Variants in ITSN2 observed in about 807,000 individuals in gnomAD.
The protein encoded by ITSN2 is intersectin 2, also known as intersectin-2.
Under a neutral mutation model 243.7 loss-of-function variants are expected in ITSN2, and 156 were observed. The ratio of observed to expected loss-of-function variants is 0.64; its 90% CI spans 0.56 to 0.73. ITSN2 has a LOEUF of 0.73. Ranked by LOEUF, ITSN2 falls within the 30% of genes least tolerant of loss-of-function variation. The pLI is 0.00. For synonymous variants in ITSN2, 703 were observed against 699.9 expected (o/e 1.00, Z -0.07); for missense variants, 1,801 against 1,996.1 (o/e 0.90, Z 1.86).
At chr2:24,252,079 G>A (rs557768998) in intron 25 of ITSN2, among the ~76,000 whole-genome samples, 25 of 152,258 alleles carry the variant, frequency 1.6e-4, no homozygotes, top group Non-Finnish European at 2.9e-4. Context: ...TTATCATGAA[G>A]CTCAACCCTA....
chr2:24,222,668 C>CTTTTTTTTTT (rs56149622), intron 29 of ITSN2, among the ~76,000 whole-genome samples: 5 of 77,254 alleles, frequency 6.5e-5, no homozygotes, highest in Non-Finnish European at 1.1e-4. Flanking sequence ...TTTTTCTTTT[C>CTTTTTTTTTT]TTTTTTTTTT....
intron 16 of ITSN2, among the ~76,000 whole-genome samples, chr2:24,285,864 A>G (rs1472655141): frequency 6.6e-6 from 1 of 152,212 alleles, no homozygotes; most frequent in Non-Finnish European, 1.5e-5. Context: ...AACTATTTCA[A>G]ATTTTCCATA....
intron 24 of ITSN2, among the ~76,000 whole-genome samples, chr2:24,254,101 T>C (rs1674708646): frequency 6.6e-6 from 1 of 152,250 alleles, no homozygotes; most frequent in South Asian, 2.1e-4. Context: ...TTTTTATTTA[T>C]GATGTTATTC....
intron 1 of ITSN2, among the ~76,000 whole-genome samples, chr2:24,353,097 T>TATA (rs1248849510): frequency 3.9e-5 from 6 of 152,164 alleles, no homozygotes; most frequent in African/African-American, 1.4e-4. Context: ...ATATCATCTA[T>TATA]ATAACAAATA....
chr2:24,275,879 G>C (rs759179187), intron 17 of ITSN2, 30 bp from the exon 18 acceptor site: 1 of 1,534,418 alleles, frequency 6.5e-7, no homozygotes, highest in Admixed American at 1.9e-5. Context: ...AAGTCAATAC[G>C]TGAATGATTT....
chr2:24,348,379 A>G (rs1252521609), intron 1 of ITSN2, among the ~76,000 whole-genome samples: 2 of 151,956 alleles, frequency 1.3e-5, no homozygotes, highest in South Asian at 2.1e-4. Flanking sequence ...TAGTAGAGAC[A>G]AAGTTTCACC....
intron 29 of ITSN2, among the ~76,000 whole-genome samples, chr2:24,230,662 G>T (rs1671493113): frequency 6.6e-6 from 1 of 152,046 alleles, no homozygotes; most frequent in Non-Finnish European, 1.5e-5. Context: ...CATCTACTTG[G>T]GAGGCCGAGG....
intron 20 of ITSN2, among the ~76,000 whole-genome samples, chr2:24,268,619 T>C (rs1676958190): frequency 6.6e-6 from 1 of 152,194 alleles, no homozygotes; most frequent in African/African-American, 2.4e-5. Context: ...TTGTACACTT[T>C]GCTATATATA....
In ITSN2 at chr2:24,324,516, T is replaced by C. The variant is rs945830036; in HGVS notation, c.31+3536A>G. On this transcript the variant is annotated intron_variant, in intron 2 of 39. Coordinates refer to ENST00000355123, the MANE Select transcript of ITSN2 (RefSeq NM_006277.3). ...TTCCTCATGTCTCCAATCAGTAATC[T>C]TGACACCTTCATATTCATTCATTCA... 3.9e-5 allele frequency among the ~76,000 whole-genome samples: 6 copies of C among 152,092 alleles called. 1 individual carries two copies. The highest frequency in any genetic ancestry group is 1.5e-4 in the African/African-American group (6 of 41,358).
intron 2 of ITSN2, among the ~76,000 whole-genome samples, chr2:24,326,074 G>A (rs1409630671): frequency 6.6e-6 from 1 of 152,120 alleles, no homozygotes; most frequent in Non-Finnish European, 1.5e-5. Flanking sequence ...CATGAATGCT[G>A]CTCTCAGTAA....
In ITSN2 at chr2:24,249,127, A is replaced by G. The variant is rs1162448261; in HGVS notation, c.3121-245T>C. ...GGCTGTCATCGTCAACCATTGACTC[A>G]ACAGGAAGAGCTCGTTTTCTGAAAC... is the stretch of plus-strand genomic sequence containing the variant. On this transcript the variant is annotated intron_variant, in intron 25 of 39. Transcript: ENST00000355123. This position sits in a 1 kb window ranked among gnomAD's most constrained non-coding sequence, Gnocchi z 4.4. Among the ~76,000 whole-genome samples the G allele has an allele frequency of 6.6e-6, 1 of 152,184 alleles. No homozygotes were observed. Among genetic ancestry groups the G allele is most frequent in the East Asian group, 1.9e-4 (1 of 5,196 alleles).
chr2:24,298,747 A>G lies in ITSN2; in HGVS notation c.1412T>C (p.Leu471Pro), dbSNP rs758215922. Residue 471 changes from leucine (L) to proline (P), a missense_variant, in exon 13 of 40, where the codon CTC (leucine) becomes CCC (proline). By Grantham distance (98) the Leu-to-Pro change is moderately conservative (BLOSUM62 -3). This residue lies in a region of ITSN2 where 787 missense variants were observed against 803.9 expected (regional missense o/e 0.98). Coordinates refer to ENST00000355123, the MANE Select transcript of ITSN2 (RefSeq NM_006277.3). ...TTCTTGTTCTCTATTCTTTTGATTG[A>G]GAAGCTCCTGTCGCCGAATTCTCTC... Reference protein sequence around the residue: ...EWERIRRQELLNQKNREQEEI... With the variant: ...EWERIRRQELPNQKNREQEEI... 8.1e-6 allele frequency: 13 copies of G among 1,613,066 alleles called. No homozygotes were observed. The Admixed American group carries it at 2.2e-4, about 27-fold the overall frequency.
At chr2:24,311,110 C>T (rs1683212814) in intron 5 of ITSN2, among the ~76,000 whole-genome samples, 3 of 151,998 alleles carry the variant, frequency 2.0e-5, no homozygotes, top group Admixed American at 2.0e-4. Context: ...CTCTCTCTCA[C>T]ATACTCCCCC....
intron 1 of ITSN2, among the ~76,000 whole-genome samples, chr2:24,329,420 C>T (rs927272520): frequency 5.9e-5 from 9 of 152,056 alleles, no homozygotes; most frequent in South Asian, 2.1e-4. Context: ...TCACCATGCC[C>T]GGCTAATTTT....
intron 11 of ITSN2, 48 bp from the exon 12 acceptor site, chr2:24,300,219 G>C: frequency 6.3e-7 from 1 of 1,585,690 alleles, no homozygotes. Context: ...ACAGCCTACA[G>C]AACCTGTAAT....
Position 24,207,019 on chromosome 2 carries a change from C to T in ITSN2, c.4678+1218G>A, listed in dbSNP as rs533949670. Among the ~76,000 whole-genome samples the T allele has an allele frequency of 2.6e-5, 4 of 152,054 alleles. 1 individual carries two copies. Among genetic ancestry groups the T allele is most frequent in the Admixed American group, 2.0e-4 (3 of 15,286 alleles). ...TGCTCAACTAGGCAGCTGGATGGGC[C>T]GGGCACAGGAAAGAGCTAGGGATGG... is the stretch of plus-strand genomic sequence containing the variant. On this transcript the variant is annotated intron_variant, in intron 37 of 39. Transcript: ENST00000355123.
intron 20 of ITSN2, among the ~76,000 whole-genome samples, chr2:24,268,915 C>G (rs990150629): frequency 6.6e-6 from 1 of 152,196 alleles, no homozygotes; most frequent in Non-Finnish European, 1.5e-5. Flanking sequence ...TCTGGCTTCT[C>G]GCTCTACTAG....
intron 36 of ITSN2, 126 bp from the exon 37 acceptor site, chr2:24,208,445 G>A (rs1669140702): frequency 1.4e-6 from 1 of 710,428 alleles, no homozygotes; most frequent in East Asian, 2.5e-5. Context: ...TCCTATCAAA[G>A]ACCTGATATT....
rs767083809 is a variant in ITSN2 at position 24,315,218 on chromosome 2, G to A, written c.38C>T (p.Pro13Leu). 8.1e-6 allele frequency: 13 copies of A among 1,605,322 alleles called. No homozygotes were observed. The East Asian group carries it at 2.9e-4, about 36-fold the overall frequency. The change falls in exon 3 of 40, where the codon CCA (proline) becomes CTA (leucine). Residue 13 changes from proline to leucine, a missense_variant. This residue lies in a region of ITSN2 where 77 missense variants were observed against 90.1 expected (regional missense o/e 0.85). Coordinates refer to ENST00000355123, the MANE Select transcript of ITSN2 (RefSeq NM_006277.3). ...TTCAGAGGTAATAGCCCACATGTTTGGCCCTCCTGAAACATAAGTGGAAGA... is the reference window on the plus strand; with the variant it reads ...TTCAGAGGTAATAGCCCACATGTTTAGCCCTCCTGAAACATAAGTGGAAGA... ...AQFPTAMNGGPNMWAITSEER... is the reference protein window; with the variant it reads ...AQFPTAMNGGLNMWAITSEER...
Sources: gnomAD v4.1 joint callset for allele counts (sites outside exome capture counted in the v4.1 genomes callset) on GRCh38, gnomAD v4.1.1 for gene constraint, gnomAD v4.1.1 regional missense constraint, Gnocchi (gnomAD v3.1) non-coding constraint, MANE v1.5 for transcripts, NCBI Gene and HGNC (gene_info 2026-07-23, HGNC 2026-07-21) for gene names.